The following MSMO1 variants were observed in gnomAD, a reference collection of about 807,000 sequenced individuals.
The protein encoded by MSMO1 is methylsterol monooxygenase 1.
In MSMO1, 18 loss-of-function variants were observed where a neutral mutation model predicts 30.4. That is an observed-to-expected ratio of 0.59 (90% CI 0.41 to 0.88). The LOEUF is 0.88. MSMO1 is among the 40% of genes least tolerant of loss of function. The pLI is 0.00. For synonymous variants in MSMO1, 84 were observed against 107.9 expected, an observed-to-expected ratio of 0.78 and a Z score of 1.37; for missense variants, 284 against 340.5, an observed-to-expected ratio of 0.83 and a Z score of 1.31.
chr4:165,329,574 CAA>C (rs373961662), intron 1 of MSMO1, among the ~76,000 whole-genome samples: 2,581 of 89,414 alleles, frequency 0.029, 84 homozygotes, highest in African/African-American at 0.093. Context: ...AAATAAACTC[CAA>C]AAAAAAAAAA....
At chr4:165,330,558 G>A (rs575747896) in intron 1 of MSMO1, among the ~76,000 whole-genome samples, 3 of 152,324 alleles carry the variant, frequency 2.0e-5, no homozygotes, top group African/African-American at 7.2e-5. Flanking sequence ...GTTCATTATT[G>A]TCAAATTTAC....
At chr4:165,337,467 T>C (rs1279274531) in intron 2 of MSMO1, among the ~76,000 whole-genome samples, 1 of 152,250 alleles carries the variant, frequency 6.6e-6, no homozygotes, top group Non-Finnish European at 1.5e-5. Flanking sequence ...TAGCATATTA[T>C]ATTTCTTCTT....
At chr4:165,332,577 T>G (rs929257577) in intron 1 of MSMO1, among the ~76,000 whole-genome samples, 2 of 152,232 alleles carry the variant, frequency 1.3e-5, no homozygotes, top group Admixed American at 1.3e-4. Flanking sequence ...TACACTGATG[T>G]ATCCCCCCTG....
At chr4:165,335,290 G>A (rs1747508116) in intron 2 of MSMO1, among the ~76,000 whole-genome samples, 1 of 152,090 alleles carries the variant, frequency 6.6e-6, no homozygotes, top group African/African-American at 2.4e-5. Context: ...ATTAATATTA[G>A]TCCTCTCTGG....
chr4:165,330,053 A>C (rs1747349390), intron 1 of MSMO1, among the ~76,000 whole-genome samples: 1 of 152,226 alleles, frequency 6.6e-6, no homozygotes, highest in Non-Finnish European at 1.5e-5. Context: ...ATACCTTTTC[A>C]TAGAGCTTAG....
At position 165,332,315 on chromosome 4, in the gene MSMO1, G is replaced by C. The variant is rs75686603; in HGVS notation, c.-31-1025G>C. 9.8e-3 allele frequency among the ~76,000 whole-genome samples: 1,487 copies of C among 152,284 alleles called. 26 individuals carry two copies. Among genetic ancestry groups the C allele is most frequent in the African/African-American group, 0.033 (1,382 of 41,552 alleles). ...TGTATCTTAGACATCTTTCTATGTA[G>C]AGCGTATAGATCTTCCCTGTTCTTT... On this transcript the variant is annotated intron_variant, in intron 1 of 5. Coordinates refer to ENST00000261507, the MANE Select transcript of MSMO1 (RefSeq NM_006745.5).
At position 165,329,090 on chromosome 4, in the gene MSMO1, CAG is replaced by C. The variant is rs935770699; in HGVS notation, c.-32+1328_-32+1329del. On this transcript the variant is annotated intron_variant, in intron 1 of 5. Transcript: ENST00000261507. ...GATGGATGTCAGCATATTTTTAAAACAGAAAATAGTTAAGATCACCCAAGACA... is the reference window on the plus strand; with the variant it reads ...GATGGATGTCAGCATATTTTTAAAACAAAATAGTTAAGATCACCCAAGACA... Among the ~76,000 whole-genome samples the C allele has an allele frequency of 2.6e-5, 4 of 152,114 alleles. No homozygotes were observed. The South Asian group carries it at 6.2e-4, about 24-fold the overall frequency.
In MSMO1 at chr4:165,330,431, G is replaced by T. The variant is rs568120434; in HGVS notation, c.-32+2667G>T. On this transcript the variant is annotated intron_variant, in intron 1 of 5. Coordinates refer to ENST00000261507, the MANE Select transcript of MSMO1 (RefSeq NM_006745.5). ...GCTAACTAAGCGCTTTATATGCATT[G>T]TCTCTTGGACTCATTGGAAGACCTA... is the stretch of plus-strand genomic sequence containing the variant. Among the ~76,000 whole-genome samples, 15 of 152,306 alleles carry T rather than the reference G, an allele frequency of 9.8e-5. No individual in the cohort carries two copies. In the South Asian group the frequency reaches 3.1e-3, roughly 32 times the overall value.
intron 2 of MSMO1, 127 bp from the exon 3 acceptor site, chr4:165,337,657 CCTGAG>C (rs1400645091): frequency 1.2e-6 from 1 of 857,764 alleles, no homozygotes; most frequent in East Asian, 2.6e-5. Context: ...GGCAAAGATT[CCTGAG>C]TCTTAGTTAT....
At chr4:165,328,237 TC>T (rs1747293266) in intron 1 of MSMO1, 1 of 152,198 alleles carries the variant, frequency 6.6e-6, no homozygotes, top group Admixed American at 6.5e-5. Context: ...GAACGATATT[TC>T]CGTGGGCAGA....
At position 165,343,073 on chromosome 4, in the gene MSMO1, A is replaced by T. The variant is rs1199405830; in HGVS notation, c.*1127A>T. The T allele has an allele frequency of 6.6e-6, 1 of 152,474 alleles. No individual in the cohort carries two copies. Among genetic ancestry groups the T allele is most frequent in the Non-Finnish European group, 1.5e-5 (1 of 68,010 alleles). The allele number at this position is 152,474 out of a possible 1,614,324, so 9.4% of individuals were successfully genotyped here. A position where few individuals can be genotyped will look rare whatever the true frequency, so the allele number is the denominator to read the frequency against. ...AAATAAATGTGATTTTTGTGTGATTATCTGGTTTCCAGTTTTAAACATTAA... is the reference window on the plus strand; with the variant it reads ...AAATAAATGTGATTTTTGTGTGATTTTCTGGTTTCCAGTTTTAAACATTAA... On this transcript the variant is annotated 3_prime_UTR_variant, in exon 6 of 6. Transcript: ENST00000261507.
At chr4:165,330,342 T>A (rs1747356645) in intron 1 of MSMO1, among the ~76,000 whole-genome samples, 2 of 152,214 alleles carry the variant, frequency 1.3e-5, no homozygotes, top group South Asian at 4.1e-4. Flanking sequence ...TTGAACACAG[T>A]TCTTGGCACA....
At chr4:165,341,152 G>A (rs1380042441) in intron 5 of MSMO1, among the ~76,000 whole-genome samples, 2 of 152,012 alleles carry the variant, frequency 1.3e-5, no homozygotes, top group East Asian at 1.9e-4. Flanking sequence ...TTGTAGATAT[G>A]TAGTTGGAAA....
At chr4:165,339,440 T>C (rs115796803) in intron 4 of MSMO1, among the ~76,000 whole-genome samples, 2,886 of 152,208 alleles carry the variant, frequency 0.019, 91 homozygotes, top group African/African-American at 0.065. Context: ...GTCAACTGGT[T>C]ATGTGAGTAT....
At chr4:165,329,837 T>C (rs1747342892) in intron 1 of MSMO1, among the ~76,000 whole-genome samples, 1 of 151,842 alleles carries the variant, frequency 6.6e-6, no homozygotes, top group Admixed American at 6.6e-5. Flanking sequence ...TGTTTCACCA[T>C]ATTGGCCAGA....
rs915736298 is a variant in MSMO1 at position 165,335,488 on chromosome 4, C to T, written c.255+1863C>T. ...TTTGAAAGGCAGAATTAAGTTTGGA[C>T]GTCTAAGTTCTAATGCACCTTTAGG... On this transcript the variant is annotated intron_variant, in intron 2 of 5. Transcript: ENST00000261507. Among the ~76,000 whole-genome samples the T allele has an allele frequency of 7.2e-5, 11 of 152,270 alleles. No individual in the cohort carries two copies. The South Asian group carries it at 1.4e-3, about 20-fold the overall frequency.
intron 2 of MSMO1, among the ~76,000 whole-genome samples, chr4:165,336,418 A>G (rs893352876): frequency 2.0e-5 from 3 of 152,198 alleles, no homozygotes; most frequent in African/African-American, 7.2e-5. Context: ...ATGAATTTGT[A>G]TTGCTAACTG....
At position 165,340,488 on chromosome 4, in the gene MSMO1, GTTATA is replaced by G. The variant is rs1272196905; in HGVS notation, c.686+117_686+121del. The G allele has an allele frequency of 3.4e-6, 3 of 872,918 alleles. No homozygotes were observed. The Admixed American group carries it at 6.9e-5, about 20-fold the overall frequency. 54.1% of individuals were successfully genotyped at this position (872,918 alleles called of 1,614,324 possible). A position where few individuals can be genotyped will look rare whatever the true frequency, so the allele number is the denominator to read the frequency against. On this transcript the variant is annotated intron_variant, in intron 5 of 5. Transcript: ENST00000261507. ...AATAGGAGAAGTTAATCTTCTTAAT[GTTATA>G]TTAAGAAAACATAACTGTTGGATAA... is the stretch of plus-strand genomic sequence containing the variant.
chr4:165,330,354 A>G (rs972449240), intron 1 of MSMO1, among the ~76,000 whole-genome samples: 1 of 152,242 alleles, frequency 6.6e-6, no homozygotes, highest in East Asian at 1.9e-4. Flanking sequence ...CTTGGCACAG[A>G]AAGTGCCCAA....
Sources: gnomAD v4.1 joint callset for allele counts (sites outside exome capture counted in the v4.1 genomes callset) on GRCh38, gnomAD v4.1.1 for gene constraint, MANE v1.5 for transcripts, NCBI Gene and HGNC (gene_info 2026-07-23, HGNC 2026-07-21) for gene names.